L3MBTL4: variants seen among roughly 807,000 people sequenced by gnomAD.
L3MBTL4 encodes the protein L3MBTL histone methyl-lysine binding protein 4, also known as lethal(3)malignant brain tumor-like protein 4.
A neutral mutation model predicts 84.5 loss-of-function variants in L3MBTL4; 70 were observed. The ratio of observed to expected loss-of-function variants is 0.83; its 90% CI spans 0.68 to 1.01. The LOEUF (loss-of-function observed/expected upper bound fraction) is 1.01, where lower values mean the gene tolerates loss of function less well. Among genes scored for constraint, L3MBTL4 ranks in the 50% least tolerant of loss-of-function variants. The pLI is 0.00. For missense variants in L3MBTL4, 715 were observed against 754.8 expected (o/e 0.95, Z 0.62); for synonymous variants, 274 against 259.8 (o/e 1.05, Z -0.52).
At chr18:6,313,839 A>G (rs991082596) in intron 1 of L3MBTL4, among the ~76,000 whole-genome samples, 1 of 152,248 alleles carries the variant, frequency 6.6e-6, no homozygotes, top group African/African-American at 2.4e-5. Context: ...AAAAAAAATG[A>G]AAGTTTTTAC....
chr18:6,207,478 G>A (rs1396529754), intron 12 of L3MBTL4, among the ~76,000 whole-genome samples: 1 of 152,166 alleles, frequency 6.6e-6, no homozygotes, highest in African/African-American at 2.4e-5. Context: ...AGCAGCATGG[G>A]GGTTTGAGTG....
At chr18:6,395,656 G>A (rs1166648201) in intron 1 of L3MBTL4, 1 of 152,100 alleles carries the variant, frequency 6.6e-6, no homozygotes, top group Admixed American at 6.6e-5. Flanking sequence ...AAAAGTTGAG[G>A]TAACTTTCAC....
intron 1 of L3MBTL4, among the ~76,000 whole-genome samples, chr18:6,333,438 T>C (rs532142153): frequency 8.8e-4 from 133 of 151,922 alleles, no homozygotes; most frequent in South Asian, 2.9e-3. Flanking sequence ...CCAGGTGCAG[T>C]GTGGCACATG....
At chr18:6,322,912 A>T (rs2051503151) in intron 1 of L3MBTL4, among the ~76,000 whole-genome samples, 1 of 152,120 alleles carries the variant, frequency 6.6e-6, no homozygotes, top group Non-Finnish European at 1.5e-5. Context: ...TCAGTGTTGG[A>T]GGTGGGGCCT....
intron 13 of L3MBTL4, among the ~76,000 whole-genome samples, chr18:6,139,896 A>T (rs1023498630): frequency 6.6e-6 from 1 of 151,708 alleles, no homozygotes; most frequent in Non-Finnish European, 1.5e-5. Context: ...TTTCCACATC[A>T]CTCAGGGAAG....
At chr18:6,033,375 T>C (rs1598495925) in intron 16 of L3MBTL4, among the ~76,000 whole-genome samples, 1 of 152,280 alleles carries the variant, frequency 6.6e-6, no homozygotes, top group East Asian at 1.9e-4. Context: ...CTAAAGTGAG[T>C]CTTTTGAAGA....
intron 12 of L3MBTL4, among the ~76,000 whole-genome samples, chr18:6,190,895 G>A (rs1339572464): frequency 2.6e-5 from 4 of 152,268 alleles, no homozygotes; most frequent in African/African-American, 9.6e-5. Context: ...GGAACAGCCA[G>A]AGTAGAGATC....
chr18:6,269,294 A>G (rs2048765935), intron 4 of L3MBTL4, among the ~76,000 whole-genome samples: 1 of 151,964 alleles, frequency 6.6e-6, no homozygotes, highest in Non-Finnish European at 1.5e-5. Flanking sequence ...CATCTCTACT[A>G]AAAATACAAA....
chr18:6,306,756 T>G (rs1330131331), intron 3 of L3MBTL4, among the ~76,000 whole-genome samples: 1 of 152,126 alleles, frequency 6.6e-6, no homozygotes, highest in Non-Finnish European at 1.5e-5. Context: ...ACAGCAAACC[T>G]TATACTTACT....
chr18:6,385,199 C>T (rs1218636195), intron 1 of L3MBTL4, among the ~76,000 whole-genome samples: 3 of 151,834 alleles, frequency 2.0e-5, no homozygotes, highest in Admixed American at 1.3e-4. Flanking sequence ...TTCAGGAGTT[C>T]GAGACCAGCC....
chr18:6,401,964 G>A (rs1322254349), intron 1 of L3MBTL4, among the ~76,000 whole-genome samples: 2 of 152,240 alleles, frequency 1.3e-5, no homozygotes, highest in Non-Finnish European at 2.9e-5. Context: ...AATCAAGGAA[G>A]CGGAGACATA....
chr18:6,130,839 A>AAATTGTATGAT (rs1555664359), intron 14 of L3MBTL4, among the ~76,000 whole-genome samples: 2 of 152,118 alleles, frequency 1.3e-5, no homozygotes, highest in African/African-American at 4.8e-5. Context: ...AATAAAATGT[A>AAATTGTATGAT]AATTGTGTGC....
chr18:6,391,294 TA>T (rs1172686495), intron 1 of L3MBTL4, among the ~76,000 whole-genome samples: 1 of 152,032 alleles, frequency 6.6e-6, no homozygotes, highest in African/African-American at 2.4e-5. Context: ...TCCTTTATGA[TA>T]AAAACCCTCA....
At chr18:6,154,753 G>T (rs2043033295) in intron 13 of L3MBTL4, among the ~76,000 whole-genome samples, 1 of 152,020 alleles carries the variant, frequency 6.6e-6, no homozygotes, top group African/African-American at 2.4e-5. Flanking sequence ...ATGATTTTTT[G>T]CATTACTCGC....
intron 14 of L3MBTL4, among the ~76,000 whole-genome samples, chr18:6,130,160 G>A (rs2059828807): frequency 6.6e-6 from 1 of 152,104 alleles, no homozygotes; most frequent in African/African-American, 2.4e-5. Context: ...ATAGTGGGGC[G>A]ATTTGCCTCA....
intron 16 of L3MBTL4, among the ~76,000 whole-genome samples, chr18:6,066,434 AG>A (rs2057401420): frequency 6.6e-6 from 1 of 152,066 alleles, no homozygotes; most frequent in Non-Finnish European, 1.5e-5. Flanking sequence ...ATGATCTTCT[AG>A]TACTGTTGGT....
At chr18:6,269,764 A>G (rs1410843763) in intron 4 of L3MBTL4, among the ~76,000 whole-genome samples, 1 of 152,248 alleles carries the variant, frequency 6.6e-6, no homozygotes, top group East Asian at 1.9e-4. Flanking sequence ...AATACAAATC[A>G]TAAGAAAAAA....
At chr18:6,088,491 A>G (rs2058334125) in intron 15 of L3MBTL4, among the ~76,000 whole-genome samples, 2 of 152,202 alleles carry the variant, frequency 1.3e-5, no homozygotes, top group African/African-American at 4.8e-5. Flanking sequence ...GCAGGAGTAA[A>G]TGAGGTACCA....
At chr18:6,333,528 T>C (rs2052156134) in intron 1 of L3MBTL4, among the ~76,000 whole-genome samples, 1 of 146,096 alleles carries the variant, frequency 6.8e-6, no homozygotes, top group Admixed American at 7.0e-5. Flanking sequence ...TGAGCCAAGA[T>C]CGCGCCACTG....
Sources: gnomAD v4.1 joint callset for allele counts (sites outside exome capture counted in the v4.1 genomes callset) on GRCh38, gnomAD v4.1.1 for gene constraint, MANE v1.5 for transcripts, NCBI Gene and HGNC (gene_info 2026-07-23, HGNC 2026-07-21) for gene names.